Variants in FHIT observed in about 807,000 individuals in gnomAD.
FHIT encodes the protein bis(5'-adenosyl)-triphosphatase.
In FHIT, 19 loss-of-function variants were observed where a neutral mutation model predicts 17.9. That is an observed-to-expected ratio of 1.06 (90% confidence interval 0.74 to 1.56). The LOEUF is 1.56. FHIT is among the 40% of genes most tolerant of loss of function. The probability of loss-of-function intolerance (pLI) is 0.00; values close to 1 mark genes in which losing one functional copy is unlikely to be tolerated. For missense variants in FHIT, 248 were observed against 189.2 expected (o/e 1.31, Z -1.82); for synonymous variants, 81 against 69.7 (o/e 1.16, Z -0.81).
chr3:60,069,136 AG>A (rs11293926), intron 5 of FHIT, among the ~76,000 whole-genome samples: 50,739 of 152,060 alleles, frequency 0.33, 9,774 homozygotes, highest in African/African-American at 0.53. Context: ...ATGTACATAA[AG>A]GGATATTAAG....
chr3:60,710,264 G>A (rs2041487797), intron 4 of FHIT, among the ~76,000 whole-genome samples: 1 of 152,102 alleles, frequency 6.6e-6, no homozygotes, highest in East Asian at 1.9e-4. Flanking sequence ...GGTGCCAGTA[G>A]TTTTAAAAAA....
intron 8 of FHIT, among the ~76,000 whole-genome samples, chr3:59,792,467 A>G (rs747410107): frequency 6.6e-6 from 1 of 152,158 alleles, no homozygotes; most frequent in Non-Finnish European, 1.5e-5. Flanking sequence ...AAGCTTAGGA[A>G]TCACCTAGAC....
chr3:60,668,991 A>G (rs926400384), intron 4 of FHIT, among the ~76,000 whole-genome samples: 2 of 152,214 alleles, frequency 1.3e-5, no homozygotes, highest in South Asian at 4.2e-4. Context: ...AAATCTGTTT[A>G]TTATATTTTA....
intron 4 of FHIT, among the ~76,000 whole-genome samples, chr3:60,613,043 G>C (rs550660842): frequency 6.6e-6 from 1 of 152,264 alleles, no homozygotes; most frequent in South Asian, 2.1e-4. Flanking sequence ...AAATAGAAAG[G>C]GATCTTGCCT....
chr3:60,900,221 C>T (rs1050398751), intron 3 of FHIT, among the ~76,000 whole-genome samples: 6 of 152,056 alleles, frequency 3.9e-5, no homozygotes, highest in Non-Finnish European at 7.4e-5. Context: ...TTCAGGGCCA[C>T]AGTTAGGGTG....
chr3:60,759,560 C>T (rs1480760940), intron 4 of FHIT, among the ~76,000 whole-genome samples: 2 of 151,942 alleles, frequency 1.3e-5, no homozygotes, highest in Non-Finnish European at 2.9e-5. Context: ...ATTGACAGAT[C>T]AGAAAGAGGA....
intron 2 of FHIT, among the ~76,000 whole-genome samples, chr3:61,168,038 G>T (rs2037893093): frequency 6.6e-6 from 1 of 152,024 alleles, no homozygotes; most frequent in Non-Finnish European, 1.5e-5. Context: ...GGCCAGACTT[G>T]GACAGCAGCC....
intron 4 of FHIT, among the ~76,000 whole-genome samples, chr3:60,738,502 T>C (rs1170630134): frequency 5.3e-5 from 8 of 152,214 alleles, no homozygotes; most frequent in African/African-American, 1.9e-4. Flanking sequence ...CTCAGAGTCC[T>C]ATCTGTCTCA....
intron 5 of FHIT, among the ~76,000 whole-genome samples, chr3:60,080,294 TG>T (rs2107035887): frequency 6.6e-6 from 1 of 152,150 alleles, no homozygotes; most frequent in Non-Finnish European, 1.5e-5. Context: ...TGCTTGTGTA[TG>T]GGGGTGGGAG....
chr3:61,050,545 G>C (rs1287043124), intron 2 of FHIT, among the ~76,000 whole-genome samples: 1 of 152,080 alleles, frequency 6.6e-6, no homozygotes, highest in Non-Finnish European at 1.5e-5. Context: ...AAATAAAGGA[G>C]GTAAGGCCCT....
At chr3:59,993,847 T>C (rs563631471) in intron 7 of FHIT, among the ~76,000 whole-genome samples, 3 of 152,154 alleles carry the variant, frequency 2.0e-5, no homozygotes, top group South Asian at 2.1e-4. Context: ...ATCTTTAACA[T>C]GGGGATAAAA....
At position 59,912,722 on chromosome 3, in the gene FHIT, C is replaced by T. The variant is rs115717931; in HGVS notation, c.348+9624G>A. Among the ~76,000 whole-genome samples the T allele has an allele frequency of 4.2e-3, 645 of 152,210 alleles. 4 individuals carry two copies. The highest frequency in any genetic ancestry group is 0.013 in the African/African-American group (560 of 41,518). ...ATATGTTGGAGCAAGGTTACATTTC[C>T]GTGCAAAGGGAATATTCTATGAGTT... On this transcript the variant is annotated intron_variant, in intron 8 of 9. Coordinates refer to ENST00000492590, the MANE Select transcript of FHIT (RefSeq NM_002012.4).
chr3:59,986,171 T>C (rs186396218), intron 7 of FHIT, among the ~76,000 whole-genome samples: 4 of 151,920 alleles, frequency 2.6e-5, no homozygotes, highest in Non-Finnish European at 5.9e-5. Context: ...GCTAACTTTC[T>C]TGGGAAAACT....
At chr3:59,791,003 T>G (rs2106928088) in intron 8 of FHIT, among the ~76,000 whole-genome samples, 1 of 152,324 alleles carries the variant, frequency 6.6e-6, no homozygotes, top group African/African-American at 2.4e-5. Flanking sequence ...TGTCAGCATC[T>G]TTGGGAAGCC....
At chr3:60,572,754 A>G (rs1553656153) in intron 4 of FHIT, among the ~76,000 whole-genome samples, 1 of 152,182 alleles carries the variant, frequency 6.6e-6, no homozygotes, top group African/African-American at 2.4e-5. Context: ...GGTCAGATTC[A>G]TCACATCATT....
chr3:60,181,391 C>T (rs1701929607), intron 5 of FHIT, among the ~76,000 whole-genome samples: 1 of 152,046 alleles, frequency 6.6e-6, no homozygotes, highest in Non-Finnish European at 1.5e-5. Flanking sequence ...AGTGATCTGC[C>T]CACCTCGGCC....
At chr3:59,887,066 G>A (rs1703654759) in intron 8 of FHIT, among the ~76,000 whole-genome samples, 1 of 151,086 alleles carries the variant, frequency 6.6e-6, no homozygotes, top group South Asian at 2.1e-4. Context: ...TATGGAGCAG[G>A]GAGGCTTGGA....
At chr3:60,422,376 T>C (rs966916854) in intron 5 of FHIT, among the ~76,000 whole-genome samples, 3 of 152,194 alleles carry the variant, frequency 2.0e-5, no homozygotes, top group Non-Finnish European at 2.9e-5. Context: ...GGACACAAAG[T>C]GTCTATGTGT....
At chr3:60,862,921 G>A (rs2594116) in intron 3 of FHIT, among the ~76,000 whole-genome samples, 1 of 151,518 alleles carries the variant, frequency 6.6e-6, no homozygotes, top group South Asian at 2.1e-4. Flanking sequence ...CTGCCATGAA[G>A]AGACTTAGCA....
Sources: allele counts gnomAD v4.1 joint callset (sites outside exome capture counted in the v4.1 genomes callset), GRCh38; gene constraint gnomAD v4.1.1; transcripts MANE v1.5; gene names NCBI Gene and HGNC (gene_info 2026-07-23, HGNC 2026-07-21).